Variants in TRHDE observed in about 807,000 individuals in gnomAD.
The protein encoded by TRHDE is thyrotropin-releasing hormone-degrading ectoenzyme.
TRHDE carries 72 observed loss-of-function variants against 125.7 expected under a neutral mutation model. The observed-to-expected ratio is 0.57, with a 90% confidence interval of 0.47 to 0.70. TRHDE has a LOEUF of 0.70. Among genes scored for constraint, TRHDE ranks in the 30% least tolerant of loss-of-function variants. The pLI, the probability that TRHDE is intolerant of heterozygous loss-of-function variation, is 0.00. For missense variants in TRHDE, 1,110 were observed against 1,327.1 expected, an observed-to-expected ratio of 0.84 and a Z score of 2.54; for synonymous variants, 509 against 509.1, an observed-to-expected ratio of 1.00 and a Z score of 0.00.
intron 2 of TRHDE, among the ~76,000 whole-genome samples, chr12:72,250,669 C>T (rs948462676): frequency 2.0e-5 from 3 of 151,912 alleles, no homozygotes; most frequent in Admixed American, 2.0e-4. Context: ...CTATCAGAGG[C>T]TTCTCAGTCT....
At chr12:72,478,940 A>AC (rs1877030432) in intron 5 of TRHDE, among the ~76,000 whole-genome samples, 1 of 150,658 alleles carries the variant, frequency 6.6e-6, no homozygotes, top group South Asian at 2.1e-4. Flanking sequence ...AAAAAAAAAA[A>AC]ACAAAAACAG....
At chr12:72,480,125 G>A (rs192619905) in intron 5 of TRHDE, among the ~76,000 whole-genome samples, 5,006 of 151,654 alleles carry the variant, frequency 0.033, 40 homozygotes, top group Non-Finnish European at 0.049. Flanking sequence ...ATAAACATAC[G>A]TGTGCATGTG....
chr12:72,426,438 C>T (rs1874186836), intron 3 of TRHDE, among the ~76,000 whole-genome samples: 1 of 152,050 alleles, frequency 6.6e-6, no homozygotes, highest in Non-Finnish European at 1.5e-5. Context: ...TAAAAAATAA[C>T]AACAGTAATA....
intron 3 of TRHDE, among the ~76,000 whole-genome samples, chr12:72,395,111 A>G (rs1490000367): frequency 1.3e-5 from 2 of 152,166 alleles, no homozygotes; most frequent in Non-Finnish European, 1.5e-5. Flanking sequence ...TCTTACCTAT[A>G]GTCTCCATGT....
intron 2 of TRHDE, among the ~76,000 whole-genome samples, chr12:72,313,589 AT>A (rs1298482829): frequency 6.6e-6 from 1 of 152,154 alleles, no homozygotes; most frequent in Non-Finnish European, 1.5e-5. Context: ...CATGGAAAAA[AT>A]GTTCTGCTAG....
intron 5 of TRHDE, among the ~76,000 whole-genome samples, chr12:72,476,349 A>T (rs1430991766): frequency 6.6e-6 from 1 of 152,230 alleles, no homozygotes. Context: ...ATATATAATT[A>T]ATACCTTCTT....
chr12:72,524,340 G>A (rs1426059309), intron 6 of TRHDE, among the ~76,000 whole-genome samples: 1 of 152,012 alleles, frequency 6.6e-6, no homozygotes, highest in Non-Finnish European at 1.5e-5. Flanking sequence ...CCAGAAAATC[G>A]TTCATATCAT....
intron 2 of TRHDE, among the ~76,000 whole-genome samples, chr12:72,250,007 A>G (rs1054080757): frequency 1.3e-4 from 20 of 152,350 alleles, no homozygotes; most frequent in Non-Finnish European, 2.8e-4. Flanking sequence ...AACTGCATAA[A>G]TATAAAAAAT....
chr12:72,114,554 G>C (rs1242661929), intron 2 of TRHDE, among the ~76,000 whole-genome samples: 1 of 152,048 alleles, frequency 6.6e-6, no homozygotes, highest in East Asian at 1.9e-4. Flanking sequence ...CCTTTATATT[G>C]TCTTCGCATT....
At chr12:72,126,324 A>C (rs528453109) in intron 2 of TRHDE, among the ~76,000 whole-genome samples, 190 of 152,250 alleles carry the variant, frequency 1.2e-3, no homozygotes, top group Non-Finnish European at 2.3e-3. Flanking sequence ...ATCAAGCTAC[A>C]AATGCCATTC....
intron 6 of TRHDE, among the ~76,000 whole-genome samples, chr12:72,528,647 C>G (rs1411618121): frequency 6.6e-6 from 1 of 152,016 alleles, no homozygotes; most frequent in African/African-American, 2.4e-5. Flanking sequence ...TACCACCAAG[C>G]CTGGCTAATT....
At chr12:72,288,541 C>G (rs1785019147) in intron 2 of TRHDE, among the ~76,000 whole-genome samples, 1 of 152,080 alleles carries the variant, frequency 6.6e-6, no homozygotes, top group Non-Finnish European at 1.5e-5. Context: ...ATGGGCATTT[C>G]AAGGCTGTAC....
chr12:72,609,937 C>T (rs573771920), intron 12 of TRHDE, among the ~76,000 whole-genome samples: 1 of 152,234 alleles, frequency 6.6e-6, no homozygotes, highest in African/African-American at 2.4e-5. Context: ...CACTAAAAAA[C>T]TTCACTGCTC....
intron 5 of TRHDE, among the ~76,000 whole-genome samples, chr12:72,494,737 A>G (rs1451570435): frequency 6.6e-6 from 1 of 152,104 alleles, no homozygotes; most frequent in African/African-American, 2.4e-5. Context: ...TAATGCTGTG[A>G]TAAGAACTAT....
intron 6 of TRHDE, among the ~76,000 whole-genome samples, chr12:72,521,920 T>G (rs987108478): frequency 2.0e-5 from 3 of 152,072 alleles, no homozygotes; most frequent in Admixed American, 1.3e-4. Flanking sequence ...TTGAAATGAG[T>G]GTGGTGGTAG....
intron 17 of TRHDE, 140 bp from the exon 18 acceptor site, chr12:72,656,787 G>C: frequency 1.6e-6 from 1 of 638,494 alleles, no homozygotes; most frequent in Non-Finnish European, 2.8e-6. Flanking sequence ...TAGAGAAATG[G>C]GCTTGAGTGC....
At chr12:72,406,810 T>C (rs1258825337) in intron 3 of TRHDE, among the ~76,000 whole-genome samples, 1 of 152,248 alleles carries the variant, frequency 6.6e-6, no homozygotes, top group Non-Finnish European at 1.5e-5. Context: ...CTTCTCACCA[T>C]AGCATTGCAC....
chr12:72,620,206 T>A (rs1565812814), intron 13 of TRHDE, among the ~76,000 whole-genome samples: 1 of 152,164 alleles, frequency 6.6e-6, no homozygotes, highest in South Asian at 2.1e-4. Flanking sequence ...TCATGTCAGA[T>A]TCCTTGTTTT....
At chr12:72,331,050 G>C (rs1310678671) in intron 2 of TRHDE, among the ~76,000 whole-genome samples, 1 of 152,162 alleles carries the variant, frequency 6.6e-6, no homozygotes, top group Non-Finnish European at 1.5e-5. Flanking sequence ...TGTGGTAATA[G>C]TAACAATAGC....
Sources: allele counts gnomAD v4.1 joint callset (sites outside exome capture counted in the v4.1 genomes callset), GRCh38; gene constraint gnomAD v4.1.1; transcripts MANE v1.5; gene names NCBI Gene and HGNC (gene_info 2026-07-23, HGNC 2026-07-21).